The following IGF1R variants were observed in gnomAD, a reference collection of about 807,000 sequenced individuals.
The protein encoded by IGF1R is insulin-like growth factor 1 receptor.
In IGF1R, 44 loss-of-function variants were observed where a neutral mutation model predicts 144.6. The ratio of observed to expected loss-of-function variants is 0.30; its 90% CI spans 0.24 to 0.39. IGF1R has a LOEUF of 0.39. Ranked by LOEUF, IGF1R falls within the 10% of genes least tolerant of loss-of-function variation. IGF1R has a pLI of 1.00. For synonymous variants in IGF1R, 795 were observed against 722.8 expected (o/e 1.10, Z -1.60); for missense variants, 1,355 against 1,833.7 (o/e 0.74, Z 4.77).
At chr15:98,706,410 A>T (rs1417173054) in intron 1 of IGF1R, among the ~76,000 whole-genome samples, 1 of 152,224 alleles carries the variant, frequency 6.6e-6, no homozygotes, top group African/African-American at 2.4e-5. Context: ...GTCATCCAGT[A>T]TTGAGGCCAT....
chr15:98,649,437 ATT>A lies in IGF1R; in HGVS notation c.-144_-143del. 3 of 595,992 alleles carry A rather than the reference ATT, an allele frequency of 5.0e-6. No homozygotes were observed. The South Asian group carries it at 6.5e-5, about 13-fold the overall frequency. 36.9% of individuals were successfully genotyped at this position (595,992 alleles called of 1,614,324 possible). On this transcript the variant is annotated 5_prime_UTR_variant, in exon 1 of 21. Transcript: ENST00000650285. ...GCCCCGGCGGCGCCGCCTTCGGAGT[ATT>A]GTTTCCTTCGCCCTTGTTTTTGGAG...
intron 4 of IGF1R, 60 bp from the exon 5 acceptor site, chr15:98,899,417 C>T: frequency 6.5e-7 from 1 of 1,544,512 alleles, no homozygotes; most frequent in Non-Finnish European, 8.9e-7. Context: ...TTGTAAGAAT[C>T]CAAGTATGTC....
rs545331112 is a variant in IGF1R, at chr15:98,778,303, C to A, written c.640+70196C>A. ...ATGTTCTATCTGTCTTTGTGGGCAT[C>A]ATCTTCATTATTTGAACAATTCAGA... On this transcript the variant is annotated intron_variant, in intron 2 of 20. Coordinates refer to ENST00000650285, the MANE Select transcript of IGF1R (RefSeq NM_000875.5). 2.6e-5 allele frequency among the ~76,000 whole-genome samples: 4 copies of A among 152,298 alleles called. No individual in the cohort carries two copies. The South Asian group carries it at 8.3e-4, about 32-fold the overall frequency.
At chr15:98,881,790 G>T (rs185021465) in intron 2 of IGF1R, among the ~76,000 whole-genome samples, 6 of 152,218 alleles carry the variant, frequency 3.9e-5, no homozygotes, top group African/African-American at 7.2e-5. Flanking sequence ...TACAAATGAG[G>T]ATAATGATAC....
Position 98,820,508 on chromosome 15 carries a change from A to T in IGF1R, c.641-70817A>T, listed in dbSNP as rs376847247. Among the ~76,000 whole-genome samples, 266 of 152,356 alleles carry T rather than the reference A, an allele frequency of 1.7e-3. 1 individual carries two copies. The highest frequency in any genetic ancestry group is 6.2e-3 in the African/African-American group (256 of 41,580). The stretch of plus-strand genomic sequence containing the variant: ...AACTTCATTCTATGATAAGATAATG[A>T]TGCTCCCAGGTGGGCAAGGCAGTTT... On this transcript the variant is annotated intron_variant, in intron 2 of 20. Coordinates refer to ENST00000650285, the MANE Select transcript of IGF1R (RefSeq NM_000875.5).
intron 2 of IGF1R, among the ~76,000 whole-genome samples, chr15:98,756,068 A>C (rs1318199777): frequency 6.6e-6 from 1 of 152,088 alleles, no homozygotes; most frequent in Non-Finnish European, 1.5e-5. Flanking sequence ...TTGATTTGCT[A>C]ATATTTTTTT....
At chr15:98,874,297 G>A (rs955302507) in intron 2 of IGF1R, among the ~76,000 whole-genome samples, 8 of 152,166 alleles carry the variant, frequency 5.3e-5, no homozygotes, top group Non-Finnish European at 1.5e-5. Flanking sequence ...TGCAGTTGGG[G>A]AAAAGCACTT....
At chr15:98,942,517 T>A (rs1203052255) in intron 18 of IGF1R, among the ~76,000 whole-genome samples, 1 of 152,098 alleles carries the variant, frequency 6.6e-6, no homozygotes, top group African/African-American at 2.4e-5. Context: ...TTTAAAATTT[T>A]TTATACAGAC....
At position 98,962,258 on chromosome 15, in the gene IGF1R, C is replaced by T. The variant is rs371107327; in HGVS notation, c.*4816C>T. 56 of 233,382 alleles carry T rather than the reference C, an allele frequency of 2.4e-4. No individual in the cohort carries two copies. The East Asian group carries it at 3.1e-3, about 13-fold the overall frequency. 14.5% of individuals were successfully genotyped at this position (233,382 alleles called of 1,614,324 possible). On this transcript the variant is annotated 3_prime_UTR_variant, in exon 21 of 21. Coordinates refer to ENST00000650285, the MANE Select transcript of IGF1R (RefSeq NM_000875.5). ...GCGCCCTCCTGGTGACAGTGACCCG[C>T]CGTGGTATGCCTTGGCCCATTCCAG...
At chr15:98,894,905 C>T (rs2014104301) in intron 3 of IGF1R, among the ~76,000 whole-genome samples, 2 of 151,776 alleles carry the variant, frequency 1.3e-5, no homozygotes, top group Non-Finnish European at 2.9e-5. Flanking sequence ...CCTGTATTTC[C>T]AGCTACTCAG....
chr15:98,708,122 G>A lies in IGF1R; in HGVS notation c.640+15G>A, dbSNP rs1194220094. The stretch of plus-strand genomic sequence containing the variant: ...CTGCCAGAAAAGTAAGAATGATGCT[G>A]ACTGCTGCTTTCTCTCTGCCTCTCT... On this transcript the variant is annotated intron_variant, in intron 2 of 20. Transcript: ENST00000650285. 6.2e-7 allele frequency: 1 copy of A among 1,607,358 alleles called. No homozygotes were observed. Among genetic ancestry groups the A allele is most frequent in the Non-Finnish European group, 8.5e-7 (1 of 1,175,444 alleles).
At chr15:98,835,326 A>T (rs530864596) in intron 2 of IGF1R, among the ~76,000 whole-genome samples, 62 of 152,216 alleles carry the variant, frequency 4.1e-4, no homozygotes, top group Admixed American at 1.2e-3. Flanking sequence ...AAGAGTGCAG[A>T]TAGGACTACC....
intron 8 of IGF1R, among the ~76,000 whole-genome samples, chr15:98,913,984 A>G (rs2015132161): frequency 6.6e-6 from 1 of 152,230 alleles, no homozygotes; most frequent in Non-Finnish European, 1.5e-5. Flanking sequence ...GTGGCTTATA[A>G]GCAATAGAAA....
intron 3 of IGF1R, 46 bp from the exon 4 acceptor site, chr15:98,896,711 A>G (rs962872718): frequency 4.4e-6 from 7 of 1,589,200 alleles, no homozygotes; most frequent in East Asian, 2.2e-5. Context: ...GCAAGAAGAC[A>G]GACTCAATTA....
At position 98,710,668 on chromosome 15, in the gene IGF1R, C is replaced by CTT. The variant is rs34054503; in HGVS notation, c.640+2575_640+2576dup. Among the ~76,000 whole-genome samples the CTT allele has an allele frequency of 1.2e-3, 168 of 140,110 alleles. 2 individuals carry two copies. Among genetic ancestry groups the CTT allele is most frequent in the Middle Eastern group, 3.6e-3 (1 of 276 alleles). 91.9% of individuals were successfully genotyped at this position (140,110 alleles called of 152,430 possible). On this transcript the variant is annotated intron_variant, in intron 2 of 20. Coordinates refer to ENST00000650285, the MANE Select transcript of IGF1R (RefSeq NM_000875.5). ...TTCACCTGCCTGTTTCCTTTTTATT[C>CTT]TTTTTTTTTTTTTTTGAGGCGGAGT...
At chr15:98,761,767 C>T (rs1452357429) in intron 2 of IGF1R, among the ~76,000 whole-genome samples, 1 of 152,218 alleles carries the variant, frequency 6.6e-6, no homozygotes, top group African/African-American at 2.4e-5. Flanking sequence ...TTCCTCCATC[C>T]TTTCAGGTCC....
intron 2 of IGF1R, among the ~76,000 whole-genome samples, chr15:98,789,195 A>C (rs2056074467): frequency 6.6e-6 from 1 of 152,208 alleles, no homozygotes; most frequent in African/African-American, 2.4e-5. Context: ...TAGTTATATT[A>C]TTCCTAGGTT....
chr15:98,662,994 C>T (rs968722464), intron 1 of IGF1R, among the ~76,000 whole-genome samples: 3 of 151,992 alleles, frequency 2.0e-5, no homozygotes, highest in African/African-American at 4.8e-5. Context: ...TCTGGTCTCT[C>T]GATGGAGTCA....
chr15:98,771,742 G>A (rs77985235), intron 2 of IGF1R, among the ~76,000 whole-genome samples: 1 of 151,946 alleles, frequency 6.6e-6, no homozygotes, highest in Non-Finnish European at 1.5e-5. Context: ...CATGAAAAGG[G>A]AAAAAATTTA....
Sources: allele counts gnomAD v4.1 joint callset (sites outside exome capture counted in the v4.1 genomes callset), GRCh38; gene constraint gnomAD v4.1.1; transcripts MANE v1.5; gene names NCBI Gene and HGNC (gene_info 2026-07-23, HGNC 2026-07-21).